NRXN1: variants seen among roughly 807,000 people sequenced by gnomAD.
NRXN1 encodes the protein neurexin-1.
Under a neutral mutation model 150.9 loss-of-function variants are expected in NRXN1, and 39 were observed. The observed-to-expected ratio is 0.26, with a 90% CI of 0.20 to 0.34. NRXN1 has a LOEUF of 0.34. Among genes scored for constraint, NRXN1 ranks in the 10% least tolerant of loss-of-function variants. NRXN1 has a pLI of 1.00. For synonymous variants in NRXN1, 924 were observed against 757.0 expected (o/e 1.22, Z -3.62); for missense variants, 1,815 against 1,949.9 (o/e 0.93, Z 1.30).
At chr2:50,020,170 T>C (rs1227051413) in intron 21 of NRXN1, among the ~76,000 whole-genome samples, 1 of 152,080 alleles carries the variant, frequency 6.6e-6, no homozygotes, top group Non-Finnish European at 1.5e-5. Flanking sequence ...TTACTTATGA[T>C]TTTGATTTAT....
At chr2:50,077,279 G>A (rs1023631290) in intron 19 of NRXN1, among the ~76,000 whole-genome samples, 1 of 152,088 alleles carries the variant, frequency 6.6e-6, no homozygotes, top group South Asian at 2.1e-4. Flanking sequence ...TGGAATTTTG[G>A]ATGAGTTCTG....
intron 22 of NRXN1, among the ~76,000 whole-genome samples, chr2:49,939,815 A>C (rs1222349974): frequency 6.6e-6 from 1 of 152,178 alleles, no homozygotes; most frequent in Admixed American, 6.6e-5. Flanking sequence ...TGAAGGTATA[A>C]ACTTTCTATT....
intron 2 of NRXN1, among the ~76,000 whole-genome samples, chr2:50,941,892 C>T (rs529633748): frequency 4.9e-4 from 74 of 152,088 alleles, no homozygotes; most frequent in Admixed American, 1.1e-3. Context: ...ATGTTAATAG[C>T]CAAGACAATA....
chr2:50,565,591 C>CAT (rs1415462719), intron 8 of NRXN1, among the ~76,000 whole-genome samples: 5 of 151,832 alleles, frequency 3.3e-5, no homozygotes, highest in African/African-American at 7.3e-5. Flanking sequence ...CCTAAATGCA[C>CAT]ATATATATAA....
intron 17 of NRXN1, among the ~76,000 whole-genome samples, chr2:50,323,571 C>G (rs1312843584): frequency 6.9e-6 from 1 of 144,324 alleles, no homozygotes; most frequent in Non-Finnish European, 1.5e-5. Flanking sequence ...GGGAAATAAA[C>G]TATATATATA....
Position 50,163,164 on chromosome 2 carries a change from GTATA to G in NRXN1, c.3547-71674_3547-71671del, listed in dbSNP as rs59163565. On this transcript the variant is annotated intron_variant, in intron 18 of 22. Coordinates refer to ENST00000401669, the MANE Select transcript of NRXN1 (RefSeq NM_001330078.2). ...AGTTATAGATCTATCAATCCAAAAT[GTATA>G]TATATATATATATATATAAAACAAT... 3.9e-3 allele frequency among the ~76,000 whole-genome samples: 555 copies of G among 141,724 alleles called. 4 individuals are homozygous for G. The highest frequency in any genetic ancestry group is 0.011 in the African/African-American group (442 of 39,052). 93.0% of individuals were successfully genotyped at this position (141,724 alleles called of 152,430 possible).
At chr2:50,486,041 A>G (rs2090849206) in intron 15 of NRXN1, among the ~76,000 whole-genome samples, 1 of 152,188 alleles carries the variant, frequency 6.6e-6, no homozygotes, top group Admixed American at 6.5e-5. Context: ...TTATTATATA[A>G]TTACCTTAAC....
Position 50,664,396 on chromosome 2 carries a change from C to CGTGTGT in NRXN1, c.833-40787_833-40782dup, listed in dbSNP as rs35702112. Reference sequence around the variant, plus strand: ...ACTTTTGAGAATTCAAAGTTTAAAGCGTGTGTGTGTGTGTGTGTGTGTGTG... The same window carrying CGTGTGT: ...ACTTTTGAGAATTCAAAGTTTAAAGCGTGTGTGTGTGTGTGTGTGTGTGTGTGTGTG... On this transcript the variant is annotated intron_variant, in intron 5 of 22. Transcript: ENST00000401669. Among the ~76,000 whole-genome samples the CGTGTGT allele has an allele frequency of 5.2e-3, 562 of 108,070 alleles. 6 individuals carry two copies. The highest frequency in any genetic ancestry group is 0.017 in the East Asian group (54 of 3,248). The allele number at this position is 108,070 out of a possible 152,430, so 70.9% of individuals were successfully genotyped here.
chr2:50,988,283 A>G (rs1322679427), intron 2 of NRXN1, among the ~76,000 whole-genome samples: 3 of 151,896 alleles, frequency 2.0e-5, no homozygotes, highest in African/African-American at 7.2e-5. Flanking sequence ...TTATTTATTA[A>G]CTCATCTAGT....
chr2:50,252,417 C>A (rs1032417688), intron 17 of NRXN1, among the ~76,000 whole-genome samples: 10 of 151,752 alleles, frequency 6.6e-5, no homozygotes, highest in Admixed American at 5.9e-4. Flanking sequence ...TGCCACCACA[C>A]TCAGCTAATT....
chr2:50,398,913 T>C (rs1375130357), intron 17 of NRXN1, among the ~76,000 whole-genome samples: 1 of 152,108 alleles, frequency 6.6e-6, no homozygotes, highest in Non-Finnish European at 1.5e-5. Flanking sequence ...CTATTGATGG[T>C]AGAGGATAGG....
At chr2:50,334,463 T>A (rs2077054266) in intron 17 of NRXN1, among the ~76,000 whole-genome samples, 1 of 152,150 alleles carries the variant, frequency 6.6e-6, no homozygotes, top group South Asian at 2.1e-4. Flanking sequence ...AGAGCTTCTC[T>A]AAAAGCCTAT....
At chr2:50,185,836 T>G (rs1353994936) in intron 18 of NRXN1, among the ~76,000 whole-genome samples, 4 of 152,106 alleles carry the variant, frequency 2.6e-5, no homozygotes, top group Non-Finnish European at 5.9e-5. Context: ...CTGCACATCA[T>G]TCATGTGAGC....
chr2:50,825,134 C>T (rs1230431289), intron 5 of NRXN1, among the ~76,000 whole-genome samples: 1 of 152,154 alleles, frequency 6.6e-6, no homozygotes. Context: ...GCACCCACAT[C>T]CTTGGCACAG....
At chr2:50,617,777 T>A (rs1679291157) in intron 8 of NRXN1, among the ~76,000 whole-genome samples, 1 of 151,948 alleles carries the variant, frequency 6.6e-6, no homozygotes, top group South Asian at 2.1e-4. Flanking sequence ...AAAAGGCCAA[T>A]ATAAAAAAAA....
chr2:50,282,011 C>G (rs1321334400), intron 17 of NRXN1, among the ~76,000 whole-genome samples: 22 of 152,084 alleles, frequency 1.4e-4, no homozygotes, highest in Admixed American at 1.2e-3. Flanking sequence ...TTCCCAAAAG[C>G]AAAGCCCTAC....
intron 18 of NRXN1, among the ~76,000 whole-genome samples, chr2:50,148,838 C>G (rs1041188040): frequency 6.6e-6 from 1 of 151,694 alleles, no homozygotes; most frequent in African/African-American, 2.4e-5. Context: ...TCACCTGAGT[C>G]CTAAGGAATG....
At chr2:50,669,559 A>T (rs1300269657) in intron 5 of NRXN1, among the ~76,000 whole-genome samples, 2 of 151,974 alleles carry the variant, frequency 1.3e-5, no homozygotes, top group Non-Finnish European at 2.9e-5. Context: ...CAGTATAGCT[A>T]AGCAAGTTTC....
intron 17 of NRXN1, among the ~76,000 whole-genome samples, chr2:50,292,858 T>C (rs999839873): frequency 1.1e-4 from 17 of 152,164 alleles, no homozygotes; most frequent in Admixed American, 3.3e-4. Context: ...TTGAGCTTGA[T>C]TCATATTTTT....
Sources: gnomAD v4.1 joint callset for allele counts (sites outside exome capture counted in the v4.1 genomes callset) on GRCh38, gnomAD v4.1.1 for gene constraint, MANE v1.5 for transcripts, NCBI Gene and HGNC (gene_info 2026-07-23, HGNC 2026-07-21) for gene names.